Variants in ABCC11 observed in about 807,000 individuals in gnomAD.
ABCC11 encodes the protein ATP binding cassette subfamily C member 11.
In ABCC11, 135 loss-of-function variants were observed where a neutral mutation model predicts 149.3. The ratio of observed to expected loss-of-function variants is 0.90; its 90% CI spans 0.79 to 1.04. The LOEUF is 1.04. Ranked by LOEUF, ABCC11 falls within the 50% of genes least tolerant of loss-of-function variation. The pLI, the probability that ABCC11 is intolerant of heterozygous loss-of-function variation, is 0.00. For missense variants in ABCC11, 1,680 were observed against 1,722.1 expected (o/e 0.98, Z 0.43); for synonymous variants, 665 against 671.4 (o/e 0.99, Z 0.15).
At chr16:48,230,725 G>A in intron 2 of ABCC11, 152 bp from the exon 3 acceptor site, 1 of 933,450 alleles carries the variant, frequency 1.1e-6, no homozygotes, top group Admixed American at 3.3e-5. Flanking sequence ...AGGGGACCGA[G>A]AGTCAGGGCA....
intron 6 of ABCC11, among the ~76,000 whole-genome samples, chr16:48,216,644 AC>A (rs1427014255): frequency 4.6e-5 from 7 of 152,212 alleles, no homozygotes; most frequent in African/African-American, 1.7e-4. Flanking sequence ...TGCTACTGAA[AC>A]CATGACCCAA....
intron 18 of ABCC11, among the ~76,000 whole-genome samples, chr16:48,195,431 T>A (rs1040716270): frequency 6.6e-6 from 1 of 152,204 alleles, no homozygotes; most frequent in Non-Finnish European, 1.5e-5. Flanking sequence ...GCGTTCTGTG[T>A]GCACAGCCTA....
intron 15 of ABCC11, 97 bp downstream of exon 15, chr16:48,200,179 G>T (rs945755591): frequency 1.5e-6 from 2 of 1,314,908 alleles, no homozygotes; most frequent in Non-Finnish European, 1.1e-6. Context: ...GAGGACAGCT[G>T]CTGGGAGGCT....
intron 27 of ABCC11, 52 bp downstream of exon 27, chr16:48,170,837 C>T: frequency 6.5e-7 from 1 of 1,534,006 alleles, no homozygotes; most frequent in Non-Finnish European, 9.0e-7. Context: ...AGGGGCAGCC[C>T]CCCATGGGCG....
intron 15 of ABCC11, 72 bp downstream of exon 15, chr16:48,200,204 C>T (rs1596742330): frequency 6.7e-7 from 1 of 1,491,260 alleles, no homozygotes. Context: ...TTGAATCACA[C>T]TCTGAAATGG....
intron 28 of ABCC11, 128 bp from the exon 29 acceptor site, chr16:48,167,788 G>A (rs1474275081): frequency 9.1e-7 from 1 of 1,094,494 alleles, no homozygotes; most frequent in Non-Finnish European, 1.3e-6. Flanking sequence ...CTGGGAAATG[G>A]GAGAATTATG....
In ABCC11 at chr16:48,224,288, G is replaced by A. The variant is rs577815992; in HGVS notation, c.537C>T (p.Leu179=). The change falls in exon 5 of 30, where the codon CTC becomes CTT. Residue 179 remains leucine, a synonymous_variant. Coordinates refer to ENST00000356608, the MANE Select transcript of ABCC11 (RefSeq NM_001370497.1). ...LGICFCIASV[L]GPILIIPKIL... ...CACCAAGTCTGCCACTTACTGGCCCGAGTACACTGGCAATGCAGAAGCAGA... is the reference window on the plus strand; with the variant it reads ...CACCAAGTCTGCCACTTACTGGCCCAAGTACACTGGCAATGCAGAAGCAGA... The A allele has an allele frequency of 1.9e-5, 30 of 1,614,024 alleles. No individual in the cohort carries two copies. In the African/African-American group the frequency reaches 2.0e-4, roughly 11 times the overall value.
At chr16:48,199,972 G>A (rs541856472) in intron 15 of ABCC11, among the ~76,000 whole-genome samples, 29 of 151,994 alleles carry the variant, frequency 1.9e-4, no homozygotes, top group East Asian at 1.9e-4. Flanking sequence ...CACCGTGCTC[G>A]GCCTGTTTTC....
chr16:48,231,675 A>AG (rs1305297762), intron 2 of ABCC11, 148 bp downstream of exon 2: 121 of 816,676 alleles, frequency 1.5e-4, no homozygotes, highest in Middle Eastern at 9.3e-4. Context: ...AAAAAAAAAA[A>AG]AGAGAGAGAG....
chr16:48,212,232 C>T (rs1222033071), intron 10 of ABCC11, among the ~76,000 whole-genome samples: 1 of 152,144 alleles, frequency 6.6e-6, no homozygotes, highest in Non-Finnish European at 1.5e-5. Context: ...GTTTCCTCAG[C>T]CTGGTCATCA....
chr16:48,209,627 TGCAGGTCTACCGCCCAG>T (rs1378304077), intron 11 of ABCC11: 1 of 153,236 alleles, frequency 6.5e-6, no homozygotes, highest in Non-Finnish European at 1.5e-5. Flanking sequence ...TGTGGACCAG[TGCAGGTCTACCGCCCAG>T]GTGTCGGGGT....
chr16:48,218,951 A>T (rs1035683340), intron 6 of ABCC11, among the ~76,000 whole-genome samples: 1 of 152,172 alleles, frequency 6.6e-6, no homozygotes, highest in Non-Finnish European at 1.5e-5. Flanking sequence ...GCTCAGTCAC[A>T]ATAAGCAGGA....
At chr16:48,217,954 C>T (rs1191192298) in intron 6 of ABCC11, among the ~76,000 whole-genome samples, 2 of 152,162 alleles carry the variant, frequency 1.3e-5, no homozygotes, top group Non-Finnish European at 2.9e-5. Context: ...ACTGCTTACA[C>T]CAGCCAAATG....
chr16:48,178,649 A>G lies in ABCC11; in HGVS notation c.3296T>C (p.Leu1099Ser), dbSNP rs1447450285. ...SSFQATARIG[L>S]ETEAQFTAVE... ...AGCCGTGAACTGTGCCTCTGTCTCC[A>G]AGCCAATCCGGGCAGTGGCCTGGAA... Residue 1099 changes from leucine to serine, a missense_variant, in exon 24 of 30, where the codon TTG becomes TCG. Physicochemically the swap from Leu to Ser is moderately radical, Grantham distance 145. Coordinates refer to ENST00000356608, the MANE Select transcript of ABCC11 (RefSeq NM_001370497.1). 1 of 1,614,108 alleles carries G rather than the reference A, an allele frequency of 6.2e-7. No individual in the cohort carries two copies. Among genetic ancestry groups the G allele is most frequent in the East Asian group, 2.2e-5 (1 of 44,868 alleles).
intron 20 of ABCC11, among the ~76,000 whole-genome samples, chr16:48,190,001 C>A (rs1296959462): frequency 6.6e-6 from 1 of 152,202 alleles, no homozygotes; most frequent in African/African-American, 2.4e-5. Context: ...CACCTTCAGT[C>A]TCCTGGTCTT....
In ABCC11 at chr16:48,187,436, A is replaced by G; in HGVS notation, c.2707-9T>C. 1 of 1,599,380 alleles carries G rather than the reference A, an allele frequency of 6.3e-7. No individual in the cohort carries two copies. On this transcript the variant is annotated splice_polypyrimidine_tract_variant and intron_variant, in intron 20 of 29. Coordinates refer to ENST00000356608, the MANE Select transcript of ABCC11 (RefSeq NM_001370497.1). ...ATGGGGCAGCGGAAAACCTGCAGGGACAAAATCAACGCAGACCATGAGAGA... is the reference window on the plus strand; with the variant it reads ...ATGGGGCAGCGGAAAACCTGCAGGGGCAAAATCAACGCAGACCATGAGAGA...
chr16:48,169,821 C>T (rs975779965), intron 28 of ABCC11, among the ~76,000 whole-genome samples: 4 of 151,372 alleles, frequency 2.6e-5, no homozygotes, highest in Non-Finnish European at 4.4e-5. Flanking sequence ...ATGTAAATGA[C>T]GAGTTAACGG....
rs546726699 is a variant in ABCC11, at chr16:48,167,457, G to T, written c.4056+39C>A. 48 of 1,612,944 alleles carry T rather than the reference G, an allele frequency of 3.0e-5. 1 individual carries two copies. In the South Asian group the frequency reaches 4.6e-4, roughly 16 times the overall value. ...AAAGGCATCTGGGGTAGCAGCCTGA[G>T]CCCTCATCCTCCCACCAGCCCAAGG... On this transcript the variant is annotated intron_variant, in intron 29 of 29. Transcript: ENST00000356608.
At position 48,192,554 on chromosome 16, in the gene ABCC11, G is replaced by T; in HGVS notation, c.2672C>A (p.Ala891Glu). The T allele has an allele frequency of 6.2e-7, 1 of 1,614,254 alleles. No individual in the cohort carries two copies. The highest frequency in any genetic ancestry group is 1.3e-5 in the African/African-American group (1 of 75,066). The change falls in exon 20 of 30, where the codon GCA (alanine) becomes GAA (glutamate). Residue 891 changes from alanine to glutamate, a missense_variant. Ala to Glu is a moderately radical substitution (Grantham distance 107, BLOSUM62 -1). Transcript: ENST00000356608. ...SGIFTKVTRK[A>E]STALHNKLFN... ...GAGCTTGTTGTGCAGGGCCGTGGAT[G>T]CCTTCCTCGTGACCTTGGTGAAAAT...
Sources: allele counts gnomAD v4.1 joint callset (sites outside exome capture counted in the v4.1 genomes callset), GRCh38; gene constraint gnomAD v4.1.1; transcripts MANE v1.5; gene names NCBI Gene and HGNC (gene_info 2026-07-23, HGNC 2026-07-21).